The following HTR1F variants were observed in gnomAD, a reference collection of about 807,000 sequenced individuals.
HTR1F encodes the protein 5-hydroxytryptamine (serotonin) receptor 1F, G protein-coupled.
HTR1F carries 17 observed loss-of-function variants against 24.0 expected under a neutral mutation model. The observed-to-expected ratio is 0.71, with a 90% CI of 0.48 to 1.06. The LOEUF is 1.06. HTR1F is among the 50% of genes least tolerant of loss of function. HTR1F has a pLI of 0.00. For synonymous variants in HTR1F, 186 were observed against 156.8 expected, an observed-to-expected ratio of 1.19 and a Z score of -1.39; for missense variants, 391 against 427.8, an observed-to-expected ratio of 0.91 and a Z score of 0.76.
intron 2 of HTR1F, among the ~76,000 whole-genome samples, chr3:87,822,677 C>T (rs1176847502): frequency 6.6e-6 from 1 of 152,122 alleles, no homozygotes; most frequent in Non-Finnish European, 1.5e-5. Flanking sequence ...GCTTATTTTG[C>T]TCAGGTTGCT....
At chr3:87,865,926 C>G (rs551286667) in intron 2 of HTR1F, among the ~76,000 whole-genome samples, 1 of 152,220 alleles carries the variant, frequency 6.6e-6, no homozygotes, top group East Asian at 1.9e-4. Context: ...TACTGACAAA[C>G]AGCTTACCAA....
In HTR1F at chr3:87,799,195, A is replaced by G. The variant is rs550811713; in HGVS notation, c.-160+6353A>G. Among the ~76,000 whole-genome samples the G allele has an allele frequency of 1.2e-4, 18 of 152,310 alleles. No individual in the cohort carries two copies. In the South Asian group the frequency reaches 3.1e-3, roughly 26 times the overall value. On this transcript the variant is annotated intron_variant, in intron 1 of 2. Transcript: ENST00000319595. Reference sequence around the variant, plus strand: ...TTCATCAGCTACTGTAATTTCAGCAACACCAAATGAGATGATGAATCCTAG... The same window carrying G: ...TTCATCAGCTACTGTAATTTCAGCAGCACCAAATGAGATGATGAATCCTAG...
intron 2 of HTR1F, among the ~76,000 whole-genome samples, chr3:87,828,163 A>G (rs1175480283): frequency 1.3e-5 from 2 of 152,208 alleles, no homozygotes; most frequent in Admixed American, 6.5e-5. Context: ...CCATTTCTCA[A>G]GAAGTGTGGT....
At chr3:87,892,040 G>A (rs2107307692) in intron 2 of HTR1F, among the ~76,000 whole-genome samples, 1 of 152,190 alleles carries the variant, frequency 6.6e-6, no homozygotes, top group South Asian at 2.1e-4. Context: ...ACCTAAAGGG[G>A]AAAAATCAAA....
At position 87,913,953 on chromosome 3, in the gene HTR1F, T is replaced by G. The variant is rs527395858; in HGVS notation, c.-42-76755T>G. Among the ~76,000 whole-genome samples, 10 of 152,028 alleles carry G rather than the reference T, an allele frequency of 6.6e-5. No individual in the cohort carries two copies. The South Asian group carries it at 1.0e-3, about 16-fold the overall frequency. ...TCATGAATTTTTGCTCCACAACAAC[T>G]GAAGGAATAAATCAGGAAACCTGAG... On this transcript the variant is annotated intron_variant, in intron 2 of 2. Transcript: ENST00000319595.
At chr3:87,986,827 G>T (rs1005467889) in intron 2 of HTR1F, among the ~76,000 whole-genome samples, 1 of 152,230 alleles carries the variant, frequency 6.6e-6, no homozygotes, top group Non-Finnish European at 1.5e-5. Flanking sequence ...ATTGCAGGCC[G>T]GGCATGGTGG....
chr3:87,959,369 A>G (rs1480651646), intron 2 of HTR1F, among the ~76,000 whole-genome samples: 1 of 151,842 alleles, frequency 6.6e-6, no homozygotes, highest in African/African-American at 2.4e-5. Context: ...TGCTTCCTAC[A>G]TGTATTCATT....
At chr3:87,844,120 T>A (rs1455403562) in intron 2 of HTR1F, among the ~76,000 whole-genome samples, 38 of 151,576 alleles carry the variant, frequency 2.5e-4, no homozygotes, top group African/African-American at 9.0e-4. Flanking sequence ...TCCACAATGG[T>A]TGAACTAGTT....
chr3:87,828,353 A>G (rs1383810810), intron 2 of HTR1F, among the ~76,000 whole-genome samples: 5 of 152,186 alleles, frequency 3.3e-5, no homozygotes, highest in Non-Finnish European at 7.4e-5. Context: ...TCTTTTTCTT[A>G]CTTTAAAAGG....
chr3:87,951,579 T>C (rs1361338646), intron 2 of HTR1F, among the ~76,000 whole-genome samples: 5 of 152,102 alleles, frequency 3.3e-5, no homozygotes, highest in Admixed American at 6.6e-5. Flanking sequence ...GCCCCATACA[T>C]GTATAGCCTC....
At chr3:87,830,815 G>T (rs1318432604) in intron 2 of HTR1F, among the ~76,000 whole-genome samples, 3 of 152,186 alleles carry the variant, frequency 2.0e-5, no homozygotes, top group African/African-American at 4.8e-5. Context: ...ACTTGCGCCA[G>T]AGATTTAAAG....
chr3:87,861,073 C>T (rs1418452408), intron 2 of HTR1F, among the ~76,000 whole-genome samples: 6 of 152,284 alleles, frequency 3.9e-5, no homozygotes, highest in Middle Eastern at 3.4e-3. Flanking sequence ...ATGAGAATTG[C>T]TTGAACCCGA....
Position 87,896,383 on chromosome 3 carries a change from G to A in HTR1F, c.-43+74259G>A, listed in dbSNP as rs543873388. Among the ~76,000 whole-genome samples, 80 of 152,318 alleles carry A rather than the reference G, an allele frequency of 5.3e-4. 1 individual carries two copies. Among genetic ancestry groups the A allele is most frequent in the African/African-American group, 1.8e-3 (74 of 41,572 alleles). On this transcript the variant is annotated intron_variant, in intron 2 of 2. Coordinates refer to ENST00000319595, the MANE Select transcript of HTR1F (RefSeq NM_001322209.2). ...TGTGTGCCAGGCACTGTGCCTGACA[G>A]TTATAATCACATCATTACATGATGT...
intron 2 of HTR1F, among the ~76,000 whole-genome samples, chr3:87,960,152 T>C (rs1705030831): frequency 6.6e-6 from 1 of 150,676 alleles, no homozygotes; most frequent in South Asian, 2.1e-4. Context: ...TTTGTGGGGC[T>C]GAAAAGCAGG....
At chr3:87,969,131 C>A (rs1450980259) in intron 2 of HTR1F, among the ~76,000 whole-genome samples, 1 of 152,208 alleles carries the variant, frequency 6.6e-6, no homozygotes. Context: ...GGAATGAAGC[C>A]CTCATGAAGA....
chr3:87,991,630 C>A lies in HTR1F; in HGVS notation c.881C>A (p.Thr294Asn), dbSNP rs755746856. ...ACAAGAGAACGGAAAGCAGCCACTA[C>A]CCTGGGATTAATCTTGGGTGCATTT... ...SGTRERKAAT[T>N]LGLILGAFVI... The change falls in exon 3 of 3, where the codon ACC (threonine) becomes AAC (asparagine). Residue 294 changes from threonine (T) to asparagine (N), a missense_variant. Thr to Asn is a moderately conservative substitution (Grantham distance 65, BLOSUM62 0). Transcript: ENST00000319595. 6.2e-7 allele frequency: 1 copy of A among 1,613,762 alleles called. No individual in the cohort carries two copies. Among genetic ancestry groups the A allele is most frequent in the Non-Finnish European group, 8.5e-7 (1 of 1,179,848 alleles).
At chr3:87,922,463 T>A (rs1369211602) in intron 2 of HTR1F, among the ~76,000 whole-genome samples, 1 of 152,068 alleles carries the variant, frequency 6.6e-6, no homozygotes, top group East Asian at 1.9e-4. Flanking sequence ...ATTCTGCAGA[T>A]TTCCTCTTCA....
At chr3:87,904,802 G>T (rs1186707010) in intron 2 of HTR1F, among the ~76,000 whole-genome samples, 1 of 152,066 alleles carries the variant, frequency 6.6e-6, no homozygotes, top group African/African-American at 2.4e-5. Context: ...AATCTAGATT[G>T]ATGGAAGTTA....
At chr3:87,910,317 T>C (rs545739481) in intron 2 of HTR1F, 1 of 152,062 alleles carries the variant, frequency 6.6e-6, no homozygotes, top group African/African-American at 2.4e-5. Context: ...CATTGCCACC[T>C]ATTTTGTGGC....
Sources: gnomAD v4.1 joint callset for allele counts (sites outside exome capture counted in the v4.1 genomes callset) on GRCh38, gnomAD v4.1.1 for gene constraint, MANE v1.5 for transcripts, NCBI Gene and HGNC (gene_info 2026-07-23, HGNC 2026-07-21) for gene names.